Variants in GNAL observed in about 807,000 individuals in gnomAD.
GNAL encodes the protein G protein subunit alpha L.
In GNAL, 18 loss-of-function variants were observed where a neutral mutation model predicts 55.1. That is an observed-to-expected ratio of 0.33 (90% CI 0.23 to 0.48). The LOEUF (loss-of-function observed/expected upper bound fraction) is 0.48, where lower values mean the gene tolerates loss of function less well. Among genes scored for constraint, GNAL ranks in the 20% least tolerant of loss-of-function variants. The pLI is 0.99. For synonymous variants in GNAL, 253 were observed against 237.0 expected, an observed-to-expected ratio of 1.07 and a Z score of -0.62; for missense variants, 412 against 614.1, an observed-to-expected ratio of 0.67 and a Z score of 3.48.
intron 1 of GNAL, among the ~76,000 whole-genome samples, chr18:11,733,954 G>A (rs774639805): frequency 4.1e-4 from 62 of 151,254 alleles, no homozygotes; most frequent in Non-Finnish European, 7.5e-4. Flanking sequence ...TCCTGTGTCC[G>A]TTCTGTAGAA....
intron 11 of GNAL, among the ~76,000 whole-genome samples, chr18:11,879,678 G>A (rs1378525098): frequency 2.6e-5 from 4 of 152,162 alleles, no homozygotes; most frequent in Non-Finnish European, 4.4e-5. Flanking sequence ...CAACTTCAGG[G>A]AACACAATTT....
chr18:11,819,091 T>C (rs917119263), intron 4 of GNAL, among the ~76,000 whole-genome samples: 9 of 152,230 alleles, frequency 5.9e-5, no homozygotes, highest in Non-Finnish European at 8.8e-5. Context: ...TTGATTTTTA[T>C]TTCAAAATGA....
At chr18:11,747,089 CTATT>C in intron 1 of GNAL, 1 of 432,352 alleles carries the variant, frequency 2.3e-6, no homozygotes. Flanking sequence ...TGAAGGAGCT[CTATT>C]TGTTTGGTGT....
Position 11,796,595 on chromosome 18 carries a change from AC to A in GNAL, c.625-28322del, listed in dbSNP as rs371616921. Among the ~76,000 whole-genome samples the A allele has an allele frequency of 6.7e-4, 100 of 149,120 alleles. 7 individuals carry two copies. The highest frequency in any genetic ancestry group is 1.3e-3 in the South Asian group (6 of 4,756). ...TCTCACAAAAAAAAAAAAAAAAAAA[AC>A]AAAACACGCAACCTTTCCATTGTCC... On this transcript the variant is annotated intron_variant, in intron 4 of 11. Coordinates refer to ENST00000334049, the MANE Select transcript of GNAL (RefSeq NM_182978.4).
rs1559580 is a variant in GNAL, at chr18:11,832,236, G to A, written c.722+7221G>A. Among the ~76,000 whole-genome samples the A allele has an allele frequency of 2.3e-4, 35 of 152,310 alleles. 1 individual carries two copies. The East Asian group carries it at 5.6e-3, about 24-fold the overall frequency. ...CTTTAAACTCCACAGCTCACAGAGT[G>A]TAGGTTCTTATGCTCAGTACGACAC... On this transcript the variant is annotated intron_variant, in intron 5 of 11. Transcript: ENST00000334049.
chr18:11,804,191 T>A (rs1377815426), intron 4 of GNAL, among the ~76,000 whole-genome samples: 3 of 114,602 alleles, frequency 2.6e-5, no homozygotes, highest in African/African-American at 3.7e-5. Context: ...GAAGTACAGG[T>A]GCGGTTTGGA....
At position 11,882,684 on chromosome 18, in the gene GNAL, C is replaced by CAAAAAAAA. The variant is rs5823181; in HGVS notation, c.*1562_*1569dup. The CAAAAAAAA allele has an allele frequency of 1.1e-5, 1 of 88,012 alleles. No homozygotes were observed. The allele number at this position is 88,012 out of a possible 1,614,324, so 5.5% of individuals were successfully genotyped here. ...CTGGACATCAAAGTGAGACTCAGGC[C>CAAAAAAAA]AAAAAAAAAAAAAAAAAAAACCTTG... On this transcript the variant is annotated 3_prime_UTR_variant, in exon 12 of 12. Transcript: ENST00000334049.
intron 4 of GNAL, among the ~76,000 whole-genome samples, chr18:11,817,461 A>G (rs1019299256): frequency 4.6e-5 from 7 of 152,244 alleles, no homozygotes; most frequent in Admixed American, 2.0e-4. Context: ...GGTAAATGCT[A>G]AGGTAAACGT....
At chr18:11,729,221 A>G (rs1022574642) in intron 1 of GNAL, among the ~76,000 whole-genome samples, 1 of 152,162 alleles carries the variant, frequency 6.6e-6, no homozygotes, top group Admixed American at 6.5e-5. Flanking sequence ...GAGAAAGGGG[A>G]CATTTTTTTC....
intron 4 of GNAL, among the ~76,000 whole-genome samples, chr18:11,767,691 G>T (rs2033455196): frequency 2.0e-5 from 3 of 152,102 alleles, no homozygotes; most frequent in Admixed American, 2.0e-4. Flanking sequence ...TGCGCTCTGT[G>T]CATCCTTGCA....
intron 5 of GNAL, among the ~76,000 whole-genome samples, chr18:11,839,387 TA>T (rs75127479): frequency 0.015 from 2,060 of 134,678 alleles, 16 homozygotes; most frequent in African/African-American, 0.028. Context: ...CTACTAAAAG[TA>T]AAAAAAAAAA....
chr18:11,830,650 T>A (rs1047717907), intron 5 of GNAL, among the ~76,000 whole-genome samples: 5 of 152,140 alleles, frequency 3.3e-5, no homozygotes, highest in African/African-American at 7.2e-5. Context: ...ATTAAAAACA[T>A]ACCTCCATAC....
At chr18:11,840,449 A>G (rs527530326) in intron 5 of GNAL, among the ~76,000 whole-genome samples, 1 of 152,348 alleles carries the variant, frequency 6.6e-6, no homozygotes, top group Admixed American at 6.5e-5. Flanking sequence ...AACATGTTTA[A>G]TGACATCCCA....
intron 9 of GNAL, among the ~76,000 whole-genome samples, chr18:11,872,066 G>A (rs939869778): frequency 6.6e-6 from 1 of 152,114 alleles, no homozygotes; most frequent in East Asian, 1.9e-4. Flanking sequence ...TTGTGTTTTT[G>A]GATTAGGGAT....
chr18:11,825,830 G>C (rs979565191), intron 5 of GNAL, among the ~76,000 whole-genome samples: 2 of 150,498 alleles, frequency 1.3e-5, no homozygotes, highest in African/African-American at 4.9e-5. Context: ...TGCTATGTTA[G>C]ATATATTCTA....
chr18:11,732,956 AAGT>A (rs1443600624), intron 1 of GNAL, among the ~76,000 whole-genome samples: 2 of 152,218 alleles, frequency 1.3e-5, no homozygotes, highest in Non-Finnish European at 2.9e-5. Flanking sequence ...TGTATTCATG[AAGT>A]AAGAGCTTTC....
chr18:11,727,296 C>T (rs956128541), intron 1 of GNAL, among the ~76,000 whole-genome samples: 13 of 152,242 alleles, frequency 8.5e-5, no homozygotes, highest in Admixed American at 8.5e-4. Flanking sequence ...AGTCCCCACA[C>T]TTTCCCACCT....
At chr18:11,776,402 A>G (rs1053641551) in intron 4 of GNAL, among the ~76,000 whole-genome samples, 8 of 152,158 alleles carry the variant, frequency 5.3e-5, no homozygotes, top group African/African-American at 1.9e-4. Context: ...AGAATAAGAA[A>G]TAACTTCCAT....
rs1389537141 is a variant in GNAL, at chr18:11,776,201, T to G, written c.624+22256T>G. 2.0e-5 allele frequency among the ~76,000 whole-genome samples: 3 copies of G among 152,226 alleles called. No individual in the cohort carries two copies. In the East Asian group the frequency reaches 5.8e-4, roughly 29 times the overall value. On this transcript the variant is annotated intron_variant, in intron 4 of 11. Coordinates refer to ENST00000334049, the MANE Select transcript of GNAL (RefSeq NM_182978.4). ...TTCTCTTTTTTAATTCAGTTGCCCA[T>G]GCTATTCTTTGGGTTTCTCTAGCCA...
Sources: allele counts gnomAD v4.1 joint callset (sites outside exome capture counted in the v4.1 genomes callset), GRCh38; gene constraint gnomAD v4.1.1; transcripts MANE v1.5; gene names NCBI Gene and HGNC (gene_info 2026-07-23, HGNC 2026-07-21).